Variants in LEO1 observed in about 807,000 individuals in gnomAD.
LEO1 encodes the protein RNA polymerase-associated protein LEO1.
Under a neutral mutation model 80.4 loss-of-function variants are expected in LEO1, and 34 were observed. The ratio of observed to expected loss-of-function variants is 0.42; its 90% CI spans 0.32 to 0.56. The LOEUF is 0.56. LEO1 is among the 20% of genes least tolerant of loss of function. LEO1 has a pLI of 0.10. For missense variants in LEO1, 631 were observed against 814.2 expected (o/e 0.77, Z 2.74); for synonymous variants, 262 against 274.9 (o/e 0.95, Z 0.46).
At chr15:51,962,782 TA>T (rs2057041668) in intron 2 of LEO1, among the ~76,000 whole-genome samples, 2 of 152,116 alleles carry the variant, frequency 1.3e-5, no homozygotes, top group African/African-American at 4.8e-5. Flanking sequence ...TGCCAGGGTT[TA>T]GGGGTAGCAG....
At position 51,947,292 on chromosome 15, in the gene LEO1, C is replaced by T. The variant is rs1200179404; in HGVS notation, c.1896G>A (p.Glu632=). Residue 632 remains glutamate (E), a splice_region_variant and synonymous_variant, in exon 11 of 12, where the codon GAG becomes GAA. Coordinates refer to ENST00000299601, the MANE Select transcript of LEO1 (RefSeq NM_138792.4). ...TAGAATTGAATAAATTTGGTCTTAC[C>T]TCATCACTGGTAAGTTTCTTTGCTT... The part of the protein sequence containing the change: ...LLKAKKLTSD[E]EGEPSGKRKA... 2.5e-6 allele frequency: 4 copies of T among 1,605,230 alleles called. No individual in the cohort carries two copies. The highest frequency in any genetic ancestry group is 4.5e-5 in the East Asian group (2 of 44,864).
intron 9 of LEO1, among the ~76,000 whole-genome samples, chr15:51,950,722 T>A (rs2056942750): frequency 6.6e-6 from 1 of 152,178 alleles, no homozygotes; most frequent in African/African-American, 2.4e-5. Context: ...ATTGTTTTAA[T>A]AGTATGTGGC....
intron 6 of LEO1, among the ~76,000 whole-genome samples, chr15:51,958,295 A>G (rs542998733): frequency 0.033 from 1,623 of 49,794 alleles, 30 homozygotes; most frequent in African/African-American, 0.11. Flanking sequence ...ATATCTACAG[A>G]AAAAAAAAAA....
At chr15:51,952,023 C>G in intron 8 of LEO1, 44 bp from the exon 9 acceptor site, 1 of 1,558,588 alleles carries the variant, frequency 6.4e-7, no homozygotes, top group Non-Finnish European at 8.7e-7. Context: ...TTACCAAATA[C>G]ATTTGTGAGC....
intron 11 of LEO1, among the ~76,000 whole-genome samples, chr15:51,942,656 TCATGC>T (rs200362046): frequency 0.015 from 2,215 of 152,244 alleles, 83 homozygotes; most frequent in Admixed American, 0.074. Flanking sequence ...GTGCGGTGGC[TCATGC>T]CTGTAATCCC....
intron 7 of LEO1, among the ~76,000 whole-genome samples, chr15:51,954,202 C>T (rs1319070864): frequency 6.6e-6 from 1 of 150,994 alleles, no homozygotes; most frequent in Non-Finnish European, 1.5e-5. Flanking sequence ...GGATTACAGG[C>T]GTGAGCCACC....
intron 9 of LEO1, 43 bp from the exon 10 acceptor site, chr15:51,950,037 C>T: frequency 6.5e-7 from 1 of 1,529,640 alleles, no homozygotes; most frequent in African/African-American, 1.4e-5. Context: ...AAAGGAGCTA[C>T]TTTTGTGCCC....
intron 9 of LEO1, among the ~76,000 whole-genome samples, chr15:51,951,026 C>T (rs1440900403): frequency 6.6e-6 from 1 of 152,232 alleles, no homozygotes; most frequent in East Asian, 1.9e-4. Flanking sequence ...AATCTGTCTC[C>T]ATGAACAAAT....
chr15:51,942,309 A>G (rs2056859763), intron 11 of LEO1, among the ~76,000 whole-genome samples: 1 of 152,182 alleles, frequency 6.6e-6, no homozygotes, highest in South Asian at 2.1e-4. Flanking sequence ...AGGGAGGTAG[A>G]GGATGGTTCC....
intron 8 of LEO1, among the ~76,000 whole-genome samples, chr15:51,952,737 T>C (rs2056959380): frequency 6.6e-6 from 1 of 152,238 alleles, no homozygotes; most frequent in Non-Finnish European, 1.5e-5. Context: ...ACCAACTTGC[T>C]GGCTTTCCTT....
At chr15:51,963,933 G>A (rs962954751) in intron 2 of LEO1, among the ~76,000 whole-genome samples, 25 of 148,398 alleles carry the variant, frequency 1.7e-4, no homozygotes, top group Non-Finnish European at 2.5e-4. Flanking sequence ...GTGGCCGGGC[G>A]CAGTGGCTCA....
rs1430529171 is a variant in LEO1 at position 51,966,143 on chromosome 15, T to C, written c.420A>G (p.Ser140=). 1 of 1,614,060 alleles carries C rather than the reference T, an allele frequency of 6.2e-7. No individual in the cohort carries two copies. The highest frequency in any genetic ancestry group is 8.5e-7 in the Non-Finnish European group (1 of 1,180,038). The change falls in exon 2 of 12, where the codon TCA becomes TCG. Residue 140 remains serine, a synonymous_variant. Coordinates refer to ENST00000299601, the MANE Select transcript of LEO1 (RefSeq NM_138792.4). ...CTTCTCTGCCCCATTTTTCATCATC[T>C]GAATGTGCTTTTTCAGAACCTTCTG... is the stretch of plus-strand genomic sequence containing the variant. The part of the protein sequence containing the change: ...SEAEGSEKAH[S]DDEKWGREDK...
Position 51,947,237 on chromosome 15 carries a change from C to G in LEO1, c.1896+55G>C, listed in dbSNP as rs545639408. 2.7e-6 allele frequency: 3 copies of G among 1,123,050 alleles called. No homozygotes were observed. In the South Asian group the frequency reaches 3.7e-5, roughly 14 times the overall value. 69.6% of individuals were successfully genotyped at this position (1,123,050 alleles called of 1,614,324 possible). A position where few individuals can be genotyped will look rare whatever the true frequency, so the allele number is the denominator to read the frequency against. ...TGATCTGTGAGCTCTTCATTCAAAG[C>G]AGTTGGCTCCTGAGTACAGGATAAA... is the stretch of plus-strand genomic sequence containing the variant. On this transcript the variant is annotated intron_variant, in intron 11 of 11. Transcript: ENST00000299601.
chr15:51,970,578 A>C (rs946178919), intron 1 of LEO1, among the ~76,000 whole-genome samples: 39 of 152,374 alleles, frequency 2.6e-4, no homozygotes, highest in Non-Finnish European at 5.4e-4. Flanking sequence ...TATGCTAAGT[A>C]AAAGAAACCA....
chr15:51,963,841 G>A (rs2057051723), intron 2 of LEO1, among the ~76,000 whole-genome samples: 1 of 144,872 alleles, frequency 6.9e-6, no homozygotes, highest in African/African-American at 2.6e-5. Flanking sequence ...GGTGGAGATT[G>A]CAGTGAGCCA....
chr15:51,958,854 T>G, intron 5 of LEO1, 28 bp from the exon 6 acceptor site: 1 of 1,225,086 alleles, frequency 8.2e-7, no homozygotes, highest in Non-Finnish European at 1.2e-6. Flanking sequence ...AATAAACTAT[T>G]AATCATATTT....
intron 6 of LEO1, among the ~76,000 whole-genome samples, chr15:51,958,332 G>A (rs2057005320): frequency 6.6e-6 from 1 of 151,418 alleles, no homozygotes; most frequent in Admixed American, 6.6e-5. Flanking sequence ...CATGTTTTCT[G>A]TAGTCCCAGC....
chr15:51,960,576 G>T, intron 4 of LEO1, 63 bp downstream of exon 4: 1 of 873,678 alleles, frequency 1.1e-6, no homozygotes, highest in Non-Finnish European at 1.9e-6. Flanking sequence ...GAATAAGGGA[G>T]ACTCTTCACC....
chr15:51,946,493 G>A (rs1438246234), intron 11 of LEO1, among the ~76,000 whole-genome samples: 2 of 152,050 alleles, frequency 1.3e-5, no homozygotes, highest in Admixed American at 6.6e-5. Flanking sequence ...CACCATGCCC[G>A]GCCAAATACT....
Sources: gnomAD v4.1 joint callset for allele counts (sites outside exome capture counted in the v4.1 genomes callset) on GRCh38, gnomAD v4.1.1 for gene constraint, MANE v1.5 for transcripts, NCBI Gene and HGNC (gene_info 2026-07-23, HGNC 2026-07-21) for gene names.